The following RNF6 variants were observed in gnomAD, a reference collection of about 807,000 sequenced individuals.
RNF6 encodes the protein ring finger protein 6.
A neutral mutation model predicts 50.1 loss-of-function variants in RNF6; 21 were observed. That is an observed-to-expected ratio of 0.42 (90% CI 0.30 to 0.60). The LOEUF is 0.60. Ranked by LOEUF, RNF6 falls within the 20% of genes least tolerant of loss-of-function variation. The pLI, the probability that RNF6 is intolerant of heterozygous loss-of-function variation, is 0.20. For synonymous variants in RNF6, 255 were observed against 291.8 expected (o/e 0.87, Z 1.29); for missense variants, 698 against 838.2 (o/e 0.83, Z 2.07).
intron 5 of RNF6, among the ~76,000 whole-genome samples, chr13:26,192,304 T>C (rs555734252): frequency 2.6e-5 from 4 of 152,080 alleles, no homozygotes; most frequent in African/African-American, 7.2e-5. Context: ...GTGGTAGTAG[T>C]GATGGTGGTT....
At chr13:26,209,707 C>T (rs933707172), downstream of RNF6, among the ~76,000 whole-genome samples, 2 of 152,146 alleles carry the variant, frequency 1.3e-5, no homozygotes, top group African/African-American at 4.8e-5. Flanking sequence ...TTGCACAGCA[C>T]ATTTGGAATT....
intron 1 of RNF6, 80 bp from the exon 2 acceptor site, chr13:26,221,410 T>C (rs1185025590): frequency 5.9e-5 from 9 of 152,242 alleles, no homozygotes; most frequent in Non-Finnish European, 1.3e-4. Context: ...CTCCCCACTC[T>C]GCTGCAAAGC....
At chr13:26,174,075 A>C (rs1041184493) in intron 5 of RNF6, among the ~76,000 whole-genome samples, 6 of 152,228 alleles carry the variant, frequency 3.9e-5, no homozygotes, top group Non-Finnish European at 8.8e-5. Context: ...TACACACATC[A>C]CATAGGCTCA....
chr13:26,142,267 T>G (rs1870997809), intron 5 of RNF6: 1 of 152,134 alleles, frequency 6.6e-6, no homozygotes, highest in African/African-American at 2.4e-5. Flanking sequence ...GGAACACACT[T>G]ATACACTGTT....
chr13:26,136,583 A>G (rs1028843970), intron 5 of RNF6, among the ~76,000 whole-genome samples: 7 of 152,234 alleles, frequency 4.6e-5, no homozygotes, highest in African/African-American at 1.7e-4. Flanking sequence ...GCCACAAAGA[A>G]TAACACAAAT....
intron 5 of RNF6, among the ~76,000 whole-genome samples, chr13:26,139,803 T>C (rs1189675826): frequency 1.3e-5 from 2 of 152,196 alleles, no homozygotes; most frequent in Non-Finnish European, 1.5e-5. Flanking sequence ...CTTTATAATT[T>C]TTGTTGCTAT....
At chr13:26,177,333 G>C (rs1305025899) in intron 5 of RNF6, among the ~76,000 whole-genome samples, 1 of 152,144 alleles carries the variant, frequency 6.6e-6, no homozygotes, top group East Asian at 1.9e-4. Context: ...CAACTCCATA[G>C]AGACCACTTT....
intron 2 of RNF6, among the ~76,000 whole-genome samples, chr13:26,220,782 G>A (rs1870401549): frequency 6.6e-6 from 1 of 152,158 alleles, no homozygotes; most frequent in South Asian, 2.1e-4. Flanking sequence ...AGGCTCAAAT[G>A]GCTAGGCTAC....
chr13:26,141,536 T>C (rs1870952296), intron 5 of RNF6, among the ~76,000 whole-genome samples: 1 of 151,440 alleles, frequency 6.6e-6, no homozygotes, highest in South Asian at 2.1e-4. Context: ...AGGAGACACA[T>C]AGACCAATGG....
chr13:26,209,854 G>C (rs1869250506), downstream of RNF6, among the ~76,000 whole-genome samples: 2 of 150,916 alleles, frequency 1.3e-5, no homozygotes, highest in Non-Finnish European at 2.9e-5. Context: ...ACACAATAGA[G>C]GAAAAATATG....
intron 5 of RNF6, among the ~76,000 whole-genome samples, chr13:26,153,505 C>A (rs1871743769): frequency 6.6e-6 from 1 of 152,084 alleles, no homozygotes; most frequent in Non-Finnish European, 1.5e-5. Flanking sequence ...GCCACCGCAC[C>A]CAGTCAAGAT....
Position 26,215,553 on chromosome 13 carries a change from A to G in RNF6, c.329T>C (p.Leu110Pro). ...CCGAAAGGTGTTCAACCATTCTAGA[A>G]GAGAATCTTCATGTGAACTTTCTCT... is the stretch of plus-strand genomic sequence containing the variant. The part of the protein sequence containing the change: ...VPRESSHEDS[L>P]LEWLNTFRRT... Residue 110 changes from leucine (L) to proline (P), a missense_variant, in exon 5 of 5, where the codon CTT becomes CCT. Physicochemically the swap from Leu to Pro is moderately conservative, Grantham distance 98. Transcript: ENST00000381588. 1 of 1,610,064 alleles carries G rather than the reference A, an allele frequency of 6.2e-7. No individual in the cohort carries two copies. The highest frequency in any genetic ancestry group is 8.5e-7 in the Non-Finnish European group (1 of 1,179,854).
intron 5 of RNF6, among the ~76,000 whole-genome samples, chr13:26,161,339 G>A (rs1395528355): frequency 2.6e-5 from 4 of 152,072 alleles, no homozygotes; most frequent in Admixed American, 6.5e-5. Flanking sequence ...CCTTCAACCT[G>A]TTAAAATTCC....
chr13:26,186,774 CTT>C (rs66536727), intron 5 of RNF6, among the ~76,000 whole-genome samples: 6,403 of 74,026 alleles, frequency 0.086, 192 homozygotes, highest in Middle Eastern at 0.17. Flanking sequence ...CTTTCTTCTT[CTT>C]TTTTTTTTTT....
intron 5 of RNF6, among the ~76,000 whole-genome samples, chr13:26,166,980 TC>T (rs1333396525): frequency 6.6e-6 from 1 of 152,182 alleles, no homozygotes; most frequent in Non-Finnish European, 1.5e-5. Flanking sequence ...GGAACTTAAG[TC>T]AATTAAACCT....
At chr13:26,184,631 A>G (rs1873428658) in intron 5 of RNF6, among the ~76,000 whole-genome samples, 1 of 152,212 alleles carries the variant, frequency 6.6e-6, no homozygotes, top group Admixed American at 6.5e-5. Flanking sequence ...TGTTACAGAG[A>G]CGAACATTCA....
At chr13:26,138,642 A>G (rs1296003104) in intron 5 of RNF6, among the ~76,000 whole-genome samples, 2 of 152,160 alleles carry the variant, frequency 1.3e-5, no homozygotes, top group Non-Finnish European at 2.9e-5. Flanking sequence ...GGTTTTATAT[A>G]CTATGGAAAT....
intron 5 of RNF6, among the ~76,000 whole-genome samples, chr13:26,148,545 A>G (rs1033278154): frequency 7.5e-5 from 11 of 147,140 alleles, no homozygotes; most frequent in Non-Finnish European, 1.2e-4. Flanking sequence ...CATTCTCAAA[A>G]TTCTGTTCCT....
chr13:26,134,597 A>G (rs1417622248), intron 5 of RNF6, among the ~76,000 whole-genome samples: 1 of 152,028 alleles, frequency 6.6e-6, no homozygotes, highest in Non-Finnish European at 1.5e-5. Context: ...GGAACTCACC[A>G]CCATGTTGTT....
Sources: allele counts gnomAD v4.1 joint callset (sites outside exome capture counted in the v4.1 genomes callset), GRCh38; gene constraint gnomAD v4.1.1; transcripts MANE v1.5; gene names NCBI Gene and HGNC (gene_info 2026-07-23, HGNC 2026-07-21).